The following NALCN variants were observed in gnomAD, a reference collection of about 807,000 sequenced individuals.
NALCN encodes sodium leak channel NALCN.
NALCN carries 111 observed loss-of-function variants against 225.3 expected under a neutral mutation model. That is an observed-to-expected ratio of 0.49 (90% CI 0.42 to 0.58). The LOEUF (loss-of-function observed/expected upper bound fraction) is 0.58. Among genes scored for constraint, NALCN ranks in the 20% least tolerant of loss-of-function variants. NALCN has a pLI of 0.00. For synonymous variants in NALCN, 764 were observed against 769.0 expected (o/e 0.99, Z 0.11); for missense variants, 1,378 against 2,202.4 (o/e 0.63, Z 7.49).
chr13:101,297,391 A>G (rs1397489929), intron 7 of NALCN, among the ~76,000 whole-genome samples: 1 of 151,968 alleles, frequency 6.6e-6, no homozygotes, highest in African/African-American at 2.4e-5. Context: ...AATCACCTTC[A>G]CTCCCACACT....
chr13:101,215,306 A>C (rs2040686408), intron 13 of NALCN, among the ~76,000 whole-genome samples: 1 of 152,156 alleles, frequency 6.6e-6, no homozygotes, highest in Admixed American at 6.6e-5. Flanking sequence ...AATGTACAAA[A>C]ATGTTCAGAG....
intron 6 of NALCN, among the ~76,000 whole-genome samples, chr13:101,363,799 C>T (rs1272214785): frequency 6.6e-6 from 1 of 151,946 alleles, no homozygotes; most frequent in African/African-American, 2.4e-5. Flanking sequence ...AGTGACAGCC[C>T]ACAGAATAAG....
At chr13:101,302,857 A>G in intron 7 of NALCN, among the ~76,000 whole-genome samples, 1 of 143,064 alleles carries the variant, frequency 7.0e-6, no homozygotes, top group African/African-American at 2.4e-5. Flanking sequence ...GCCTGAAAAC[A>G]TGTTTAAAAT....
rs1439161852 is a variant in NALCN, at chr13:101,160,092, C to T, written c.1840-15196G>A. 9.9e-5 allele frequency among the ~76,000 whole-genome samples: 15 copies of T among 152,154 alleles called. No homozygotes were observed. The East Asian group carries it at 2.3e-3, about 24-fold the overall frequency. On this transcript the variant is annotated intron_variant, in intron 15 of 43. Transcript: ENST00000251127. ...GCCTCAGCCTCCTGAGTAGCTGGGA[C>T]TACAGGTACACACCACCATGCCTGA...
chr13:101,406,200 C>A (rs1001243199), intron 1 of NALCN, among the ~76,000 whole-genome samples: 3 of 151,572 alleles, frequency 2.0e-5, no homozygotes, highest in African/African-American at 4.9e-5. Flanking sequence ...CTGGCATGCA[C>A]CTGTAGTCCC....
At chr13:101,290,712 T>C (rs1201030675) in intron 9 of NALCN, among the ~76,000 whole-genome samples, 3 of 152,244 alleles carry the variant, frequency 2.0e-5, no homozygotes, top group African/African-American at 7.2e-5. Flanking sequence ...TTTAATTGCA[T>C]TTTAACAAAT....
chr13:101,344,112 C>T (rs1005298007), intron 7 of NALCN, among the ~76,000 whole-genome samples: 4 of 152,188 alleles, frequency 2.6e-5, no homozygotes, highest in African/African-American at 4.8e-5. Flanking sequence ...TACATCTCGC[C>T]TCCCATACCA....
chr13:101,389,369 A>C (rs376427584), intron 3 of NALCN, among the ~76,000 whole-genome samples: 1 of 152,238 alleles, frequency 6.6e-6, no homozygotes, highest in African/African-American at 2.4e-5. Context: ...ACAAAGGAAC[A>C]AAACAAAAAC....
chr13:101,150,571 G>A (rs1232196886), intron 15 of NALCN, among the ~76,000 whole-genome samples: 1 of 152,138 alleles, frequency 6.6e-6, no homozygotes, highest in Non-Finnish European at 1.5e-5. Flanking sequence ...GGGGGATGAG[G>A]TGACCATGAT....
chr13:101,165,336 T>C (rs1362375563), intron 15 of NALCN, among the ~76,000 whole-genome samples: 1 of 152,208 alleles, frequency 6.6e-6, no homozygotes, highest in African/African-American at 2.4e-5. Flanking sequence ...CAGCTCTGTA[T>C]CATCGAAGGC....
chr13:101,327,558 G>A lies in NALCN; in HGVS notation c.799+17708C>T, dbSNP rs113460849. The stretch of plus-strand genomic sequence containing the variant: ...AAAAATTCCTTAAAGTGAATGACAG[G>A]TTTAAGGCACATAGCCTGTGTATTT... On this transcript the variant is annotated intron_variant, in intron 7 of 43. Transcript: ENST00000251127. Among the ~76,000 whole-genome samples, 112 of 152,250 alleles carry A rather than the reference G, an allele frequency of 7.4e-4. 1 individual carries two copies. Among genetic ancestry groups the A allele is most frequent in the African/African-American group, 2.4e-3 (100 of 41,548 alleles).
chr13:101,293,495 T>G (rs1288689945), intron 7 of NALCN, among the ~76,000 whole-genome samples: 1 of 152,242 alleles, frequency 6.6e-6, no homozygotes, highest in Non-Finnish European at 1.5e-5. Context: ...CCTCAATAAA[T>G]TCTACTTCTA....
intron 17 of NALCN, among the ~76,000 whole-genome samples, chr13:101,125,549 T>C (rs2036190361): frequency 6.6e-6 from 1 of 152,150 alleles, no homozygotes; most frequent in South Asian, 2.1e-4. Flanking sequence ...TTTGGAGTTC[T>C]TGGTTTCTAG....
chr13:101,404,301 G>A (rs553863162), intron 1 of NALCN, among the ~76,000 whole-genome samples: 139 of 152,306 alleles, frequency 9.1e-4, no homozygotes, highest in African/African-American at 3.2e-3. Context: ...AAAAATCCAG[G>A]AGAGCTGACT....
At chr13:101,383,486 C>T (rs1020852600) in intron 3 of NALCN, among the ~76,000 whole-genome samples, 4 of 151,996 alleles carry the variant, frequency 2.6e-5, no homozygotes, top group South Asian at 2.1e-4. Flanking sequence ...GACTTTAAGT[C>T]GGATAATTTA....
intron 13 of NALCN, among the ~76,000 whole-genome samples, chr13:101,214,044 A>C (rs1451922242): frequency 1.3e-5 from 2 of 152,324 alleles, no homozygotes; most frequent in East Asian, 1.9e-4. Context: ...GAACCAACCC[A>C]AGTGTCCAAC....
intron 13 of NALCN, among the ~76,000 whole-genome samples, chr13:101,228,249 A>T (rs34878497): frequency 0.17 from 25,893 of 152,132 alleles, 2,452 homozygotes; most frequent in East Asian, 0.36. Flanking sequence ...TAGGATTTTT[A>T]AAAAAATCCC....
intron 7 of NALCN, among the ~76,000 whole-genome samples, chr13:101,338,021 G>A (rs1301205635): frequency 1.3e-5 from 2 of 152,154 alleles, no homozygotes; most frequent in East Asian, 3.9e-4. Flanking sequence ...CTGGTGCCAG[G>A]CACATAATAT....
At chr13:101,096,743 GTTAAAAAGGTT>G (rs981095531) in intron 27 of NALCN, among the ~76,000 whole-genome samples, 1 of 152,130 alleles carries the variant, frequency 6.6e-6, no homozygotes, top group Non-Finnish European at 1.5e-5. Context: ...CAATAAAGCT[GTTAAAAAGGTT>G]TTAAAAATTA....
Sources: allele counts gnomAD v4.1 joint callset (sites outside exome capture counted in the v4.1 genomes callset), GRCh38; gene constraint gnomAD v4.1.1; transcripts MANE v1.5; gene names NCBI Gene and HGNC (gene_info 2026-07-23, HGNC 2026-07-21).